KCNQ1OT1: variants seen among roughly 807,000 people sequenced by gnomAD.
KCNQ1OT1 encodes the protein KCNQ1 opposite strand/antisense transcript 1.
chr11:2,673,366 C>A lies in KCNQ1OT1; in HGVS notation n.26629G>T, dbSNP rs1850221854. ...CTCATTAGCAAACAAAGGGAAGTGA[C>A]AGAGCAGAGCTCCCCTTGGCCTTTG... On this transcript the variant is annotated non_coding_transcript_exon_variant, in exon 1 of 1. Coordinates refer to ENST00000597346, the Ensembl canonical transcript of KCNQ1OT1. The surrounding 1 kb of genome is among the most constrained non-coding windows in gnomAD (Gnocchi z 4.5). 5.0e-6 allele frequency: 2 copies of A among 398,604 alleles called. No individual in the cohort carries two copies. The highest frequency in any genetic ancestry group is 8.8e-6 in the Non-Finnish European group (2 of 226,104). The allele number at this position is 398,604 out of a possible 1,614,324, so 24.7% of individuals were successfully genotyped here.
Position 2,690,562 on chromosome 11 carries a change from C to A in KCNQ1OT1, n.9433G>T. 2.5e-6 allele frequency: 1 copy of A among 398,648 alleles called. No individual in the cohort carries two copies. Among genetic ancestry groups the A allele is most frequent in the South Asian group, 1.3e-4 (1 of 7,826 alleles). The allele number at this position is 398,648 out of a possible 1,614,324, so 24.7% of individuals were successfully genotyped here. On this transcript the variant is annotated non_coding_transcript_exon_variant, in exon 1 of 1. Transcript: ENST00000597346. The surrounding 1 kb of genome is among the most constrained non-coding windows in gnomAD (Gnocchi z 5.1). ...TAGGGAAGGACAAGAAGTAACATGT[C>A]AAAGATGGGACAGAACCCACCTCCT...
chr11:2,625,187 T>C (rs937459727), exon 1 of KCNQ1OT1: 1 of 398,534 alleles, frequency 2.5e-6, no homozygotes, highest in Admixed American at 4.4e-5. Context: ...CATTTTGCAT[T>C]CCCACTAACA....
chr11:2,688,444 T>C (rs181257946), exon 1 of KCNQ1OT1: 2 of 398,742 alleles, frequency 5.0e-6, no homozygotes, highest in African/African-American at 4.1e-5. Flanking sequence ...GCCTGTGCCA[T>C]CACTATTTCA....
chr11:2,659,089 G>T lies in KCNQ1OT1; in HGVS notation n.40906C>A. The T allele has an allele frequency of 5.0e-6, 2 of 398,478 alleles. No homozygotes were observed. The highest frequency in any genetic ancestry group is 4.4e-5 in the Admixed American group (1 of 22,726). The allele number at this position is 398,478 out of a possible 1,614,324, so 24.7% of individuals were successfully genotyped here. ...CATCATAGTCTGCTTTTCATCGTAG[G>T]GTCCTCCAACATCCGGGTTAATTTT... On this transcript the variant is annotated non_coding_transcript_exon_variant, in exon 1 of 1. Coordinates refer to ENST00000597346, the Ensembl canonical transcript of KCNQ1OT1. This position sits in a 1 kb window ranked among gnomAD's most constrained non-coding sequence, Gnocchi z 4.3.
Position 2,668,675 on chromosome 11 carries a change from CAGAG to C in KCNQ1OT1, n.31316_31319del, listed in dbSNP as rs954593533. ...CTTTAGATATTCTGGAGTCATTTGT[CAGAG>C]AGAGAGATACACACACTCACACTCT... is the stretch of plus-strand genomic sequence containing the variant. On this transcript the variant is annotated non_coding_transcript_exon_variant, in exon 1 of 1. Transcript: ENST00000597346. This position sits in a 1 kb window ranked among gnomAD's most constrained non-coding sequence, Gnocchi z 4.3. The C allele has an allele frequency of 1.5e-5, 6 of 398,396 alleles. No individual in the cohort carries two copies. Among genetic ancestry groups the C allele is most frequent in the Admixed American group, 4.4e-5 (1 of 22,696 alleles). The allele number at this position is 398,396 out of a possible 1,614,324, so 24.7% of individuals were successfully genotyped here.
chr11:2,677,640 TAAC>T lies in KCNQ1OT1; in HGVS notation n.22352_22354del, dbSNP rs1259130533. 2.5e-6 allele frequency: 1 copy of T among 398,662 alleles called. No homozygotes were observed. The highest frequency in any genetic ancestry group is 3.6e-5 in the East Asian group (1 of 28,076). The allele number at this position is 398,662 out of a possible 1,614,324, so 24.7% of individuals were successfully genotyped here. Reference sequence around the variant, plus strand: ...TAAAACGTGTACATAATTGTAACTCTAACAACTGTTATTGCATATGAGATAAAA... The same window carrying T: ...TAAAACGTGTACATAATTGTAACTCTAACTGTTATTGCATATGAGATAAAA... On this transcript the variant is annotated non_coding_transcript_exon_variant, in exon 1 of 1. Transcript: ENST00000597346. The surrounding 1 kb of genome is among the most constrained non-coding windows in gnomAD (Gnocchi z 4.5).
At position 2,623,756 on chromosome 11, in the gene KCNQ1OT1, A is replaced by G. The variant is rs570914194; in HGVS notation, n.76239T>C. 1.3e-5 allele frequency: 5 copies of G among 398,602 alleles called. No individual in the cohort carries two copies. The South Asian group carries it at 6.4e-4, about 51-fold the overall frequency. The allele number at this position is 398,602 out of a possible 1,614,324, so 24.7% of individuals were successfully genotyped here. A position where few individuals can be genotyped will look rare whatever the true frequency, so the allele number is the denominator to read the frequency against. ...TCTCTGTGCAGATTTTTATGTGAAT[A>G]TAAGTCTTCACCTCCTTTGAGTAAA... is the stretch of plus-strand genomic sequence containing the variant. On this transcript the variant is annotated non_coding_transcript_exon_variant, in exon 1 of 1. Transcript: ENST00000597346. This position sits in a 1 kb window ranked among gnomAD's most constrained non-coding sequence, Gnocchi z 5.2.
Position 2,623,390 on chromosome 11 carries a change from A to G in KCNQ1OT1, n.76605T>C, listed in dbSNP as rs2133807003. On this transcript the variant is annotated non_coding_transcript_exon_variant, in exon 1 of 1. Coordinates refer to ENST00000597346, the Ensembl canonical transcript of KCNQ1OT1. This position sits in a 1 kb window ranked among gnomAD's most constrained non-coding sequence, Gnocchi z 5.2. Reference sequence around the variant, plus strand: ...TATTTACATATATTTGTACATTTTCACTGCCCTAAAAGTACTCTGTGCACT... The same window carrying G: ...TATTTACATATATTTGTACATTTTCGCTGCCCTAAAAGTACTCTGTGCACT... 1 of 398,546 alleles carries G rather than the reference A, an allele frequency of 2.5e-6. No individual in the cohort carries two copies. The highest frequency in any genetic ancestry group is 3.6e-5 in the East Asian group (1 of 28,078). The allele number at this position is 398,546 out of a possible 1,614,324, so 24.7% of individuals were successfully genotyped here. A position where few individuals can be genotyped will look rare whatever the true frequency, so the allele number is the denominator to read the frequency against.
exon 1 of KCNQ1OT1, chr11:2,699,295 T>G (rs1414146865): frequency 5.0e-6 from 2 of 398,844 alleles, no homozygotes; most frequent in African/African-American, 4.1e-5. Flanking sequence ...CTGACGCCTG[T>G]GATCTGGGAC....
At chr11:2,648,887 G>A (rs966130187) in exon 1 of KCNQ1OT1, 31 of 397,710 alleles carry the variant, frequency 7.8e-5, no homozygotes, top group Admixed American at 6.6e-4. Context: ...GGGTACTCCA[G>A]TGTTGTTGGT....
exon 1 of KCNQ1OT1, chr11:2,655,508 T>C: frequency 5.0e-6 from 2 of 398,686 alleles, no homozygotes; most frequent in Non-Finnish European, 8.8e-6. Context: ...TGAACTGCCC[T>C]TTCAAGTACA....
chr11:2,634,172 C>T (rs1002851167), exon 1 of KCNQ1OT1: 1 of 393,928 alleles, frequency 2.5e-6, no homozygotes. Flanking sequence ...CTCTCTCTCT[C>T]CCTTTTTTTT....
rs947307699 is a variant in KCNQ1OT1 at position 2,652,156 on chromosome 11, C to T, written n.47839G>A. On this transcript the variant is annotated non_coding_transcript_exon_variant, in exon 1 of 1. Transcript: ENST00000597346. This position sits in a 1 kb window ranked among gnomAD's most constrained non-coding sequence, Gnocchi z 5.9. The stretch of plus-strand genomic sequence containing the variant: ...CCTGTGTTTCTCAAGCCCGCGCCCT[C>T]GGGGCCTGGGGGTGGGGCCCCAGCA... 8 of 398,518 alleles carry T rather than the reference C, an allele frequency of 2.0e-5. No individual in the cohort carries two copies. The highest frequency in any genetic ancestry group is 2.5e-4 in the South Asian group (2 of 7,856). The allele number at this position is 398,518 out of a possible 1,614,324, so 24.7% of individuals were successfully genotyped here. A position where few individuals can be genotyped will look rare whatever the true frequency, so the allele number is the denominator to read the frequency against.
At position 2,653,137 on chromosome 11, in the gene KCNQ1OT1, G is replaced by A. The variant is rs988331390; in HGVS notation, n.46858C>T. On this transcript the variant is annotated non_coding_transcript_exon_variant, in exon 1 of 1. Coordinates refer to ENST00000597346, the Ensembl canonical transcript of KCNQ1OT1. This position sits in a 1 kb window ranked among gnomAD's most constrained non-coding sequence, Gnocchi z 5.3. Reference sequence around the variant, plus strand: ...TGGGGAGATGAGGACTTGCATCACAGCAGTAGAAAGCCAATGTCCCACCTT... The same window carrying A: ...TGGGGAGATGAGGACTTGCATCACAACAGTAGAAAGCCAATGTCCCACCTT... The A allele has an allele frequency of 7.5e-6, 3 of 398,616 alleles. No individual in the cohort carries two copies. The highest frequency in any genetic ancestry group is 6.2e-5 in the African/African-American group (3 of 48,652). 24.7% of individuals were successfully genotyped at this position (398,616 alleles called of 1,614,324 possible). A position where few individuals can be genotyped will look rare whatever the true frequency, so the allele number is the denominator to read the frequency against.
rs143078750 is a variant in KCNQ1OT1, at chr11:2,694,799, C to A, written n.5196G>T. 2.3e-3 allele frequency: 900 copies of A among 398,562 alleles called. 11 individuals carry two copies. The highest frequency in any genetic ancestry group is 0.017 in the African/African-American group (835 of 48,718). 24.7% of individuals were successfully genotyped at this position (398,562 alleles called of 1,614,324 possible). Reference sequence around the variant, plus strand: ...GCTTTGCAGAGACTCGAAAGGTAGTCGTCAGCTAGTGAGTGACTGAAGGGG... The same window carrying A: ...GCTTTGCAGAGACTCGAAAGGTAGTAGTCAGCTAGTGAGTGACTGAAGGGG... On this transcript the variant is annotated non_coding_transcript_exon_variant, in exon 1 of 1. Transcript: ENST00000597346.
chr11:2,647,165 C>CTT lies in KCNQ1OT1; in HGVS notation n.52828_52829dup, dbSNP rs141799528. On this transcript the variant is annotated non_coding_transcript_exon_variant, in exon 1 of 1. Transcript: ENST00000597346. This position sits in a 1 kb window ranked among gnomAD's most constrained non-coding sequence, Gnocchi z 4.0. ...TTCCTTCTAGACATTATGTGATGAGCTTTTTTTTTTATCATGAAGAGATTT... is the reference window on the plus strand; with the variant it reads ...TTCCTTCTAGACATTATGTGATGAGCTTTTTTTTTTTTATCATGAAGAGATTT... The CTT allele has an allele frequency of 2.6e-6, 1 of 380,096 alleles. No individual in the cohort carries two copies. Among genetic ancestry groups the CTT allele is most frequent in the Non-Finnish European group, 4.7e-6 (1 of 214,758 alleles). 23.5% of individuals were successfully genotyped at this position (380,096 alleles called of 1,614,324 possible).
At position 2,642,114 on chromosome 11, in the gene KCNQ1OT1, G is replaced by T. The variant is rs1849589542; in HGVS notation, n.57881C>A. The T allele has an allele frequency of 7.5e-6, 3 of 398,070 alleles. No individual in the cohort carries two copies. The highest frequency in any genetic ancestry group is 2.1e-5 in the African/African-American group (1 of 48,564). The allele number at this position is 398,070 out of a possible 1,614,324, so 24.7% of individuals were successfully genotyped here. A position where few individuals can be genotyped will look rare whatever the true frequency, so the allele number is the denominator to read the frequency against. On this transcript the variant is annotated non_coding_transcript_exon_variant, in exon 1 of 1. Coordinates refer to ENST00000597346, the Ensembl canonical transcript of KCNQ1OT1. The surrounding 1 kb of genome is among the most constrained non-coding windows in gnomAD (Gnocchi z 4.3). ...GCTGTGGCTATTCCAGCTCTTTTTT[G>T]GTTCCATCTGAATTTTAGGATTTTT...
Position 2,617,876 on chromosome 11 carries a change from G to A in KCNQ1OT1, n.82119C>T, listed in dbSNP as rs1229326947. 2 of 398,180 alleles carry A rather than the reference G, an allele frequency of 5.0e-6. No individual in the cohort carries two copies. The highest frequency in any genetic ancestry group is 8.8e-6 in the Non-Finnish European group (2 of 225,992). The allele number at this position is 398,180 out of a possible 1,614,324, so 24.7% of individuals were successfully genotyped here. A position where few individuals can be genotyped will look rare whatever the true frequency, so the allele number is the denominator to read the frequency against. ...CAGTTCCACTGCCCATTTTTTAATT[G>A]GGTTATCTATTTTCTTGTTATTGAG... On this transcript the variant is annotated non_coding_transcript_exon_variant, in exon 1 of 1. Coordinates refer to ENST00000597346, the Ensembl canonical transcript of KCNQ1OT1. This position sits in a 1 kb window ranked among gnomAD's most constrained non-coding sequence, Gnocchi z 4.6.
At chr11:2,688,316 G>A (rs1564858639) in exon 1 of KCNQ1OT1, 2 of 398,650 alleles carry the variant, frequency 5.0e-6, no homozygotes, top group East Asian at 3.6e-5. Context: ...ATCTAAGCAC[G>A]TCACACACAC....
Sources: allele counts gnomAD v4.1 joint callset, GRCh38; gene constraint gnomAD v4.1.1; non-coding constraint Gnocchi (gnomAD v3.1); transcripts MANE v1.5; gene names NCBI Gene and HGNC (gene_info 2026-07-23, HGNC 2026-07-21).